The following ZNF354B variants were observed in gnomAD, a reference collection of about 807,000 sequenced individuals.
ZNF354B encodes the protein zinc finger protein 354B.
Under a neutral mutation model 12.9 loss-of-function variants are expected in ZNF354B, and 10 were observed. The observed-to-expected ratio is 0.77, with a 90% CI of 0.48 to 1.31. The LOEUF (loss-of-function observed/expected upper bound fraction) is 1.31. Among genes scored for constraint, ZNF354B ranks in the 40% most tolerant of loss-of-function variants. ZNF354B has a pLI of 0.00. For missense variants in ZNF354B, 614 were observed against 711.7 expected, an observed-to-expected ratio of 0.86 and a Z score of 1.56; for synonymous variants, 260 against 243.7, an observed-to-expected ratio of 1.07 and a Z score of -0.62.
intron 4 of ZNF354B, among the ~76,000 whole-genome samples, chr5:178,870,565 C>T (rs756611929): frequency 6.6e-6 from 1 of 152,336 alleles, no homozygotes; most frequent in African/African-American, 2.4e-5. Flanking sequence ...CAGGCGTGAG[C>T]CACCACACCC....
chr5:178,866,699 CTT>C (rs1757463485), intron 3 of ZNF354B, among the ~76,000 whole-genome samples: 1 of 110,974 alleles, frequency 9.0e-6, no homozygotes, highest in African/African-American at 4.3e-5. Flanking sequence ...TTACCTCATC[CTT>C]CTTCATCGAC....
At chr5:178,869,657 A>G (rs1757530665) in intron 4 of ZNF354B, among the ~76,000 whole-genome samples, 1 of 152,152 alleles carries the variant, frequency 6.6e-6, no homozygotes, top group Non-Finnish European at 1.5e-5. Flanking sequence ...GTCCAGAGGG[A>G]TGCCGGGCAC....
rs763734854 is a variant in ZNF354B, at chr5:178,884,313, C to A, written c.*22C>A. 1.3e-6 allele frequency: 2 copies of A among 1,544,372 alleles called. No individual in the cohort carries two copies. Among genetic ancestry groups the A allele is most frequent in the Admixed American group, 4.2e-5 (2 of 47,666 alleles). On this transcript the variant is annotated 3_prime_UTR_variant, in exon 5 of 5. Coordinates refer to ENST00000322434, the MANE Select transcript of ZNF354B (RefSeq NM_058230.3). The stretch of plus-strand genomic sequence containing the variant: ...GTGAAAGCCTTAAACCAAAACTCAT[C>A]AGAGAATACATGCTTGAGAGTGATT...
chr5:178,874,681 T>G (rs151321274), intron 4 of ZNF354B, among the ~76,000 whole-genome samples: 2 of 152,352 alleles, frequency 1.3e-5, no homozygotes, highest in African/African-American at 4.8e-5. Flanking sequence ...GTTTCAACTT[T>G]CTCTTGAATC....
At chr5:178,875,365 G>C (rs1757621722) in intron 4 of ZNF354B, among the ~76,000 whole-genome samples, 1 of 152,164 alleles carries the variant, frequency 6.6e-6, no homozygotes, top group South Asian at 2.1e-4. Flanking sequence ...AGTCGGCCCA[G>C]GGTGGGTGAC....
Position 178,872,538 on chromosome 5 carries a change from G to T in ZNF354B, c.256+5467G>T, listed in dbSNP as rs570165738. Among the ~76,000 whole-genome samples, 24 of 152,310 alleles carry T rather than the reference G, an allele frequency of 1.6e-4. No individual in the cohort carries two copies. The South Asian group carries it at 3.9e-3, about 25-fold the overall frequency. On this transcript the variant is annotated intron_variant, in intron 4 of 4. Coordinates refer to ENST00000322434, the MANE Select transcript of ZNF354B (RefSeq NM_058230.3). ...TTGCTGAGTCATGGGGTAGTTGTAG[G>T]TTTAGTTTTTGAAGACATAGCCAAG...
chr5:178,879,947 A>G (rs1470772863), intron 4 of ZNF354B, among the ~76,000 whole-genome samples: 7 of 151,666 alleles, frequency 4.6e-5, no homozygotes. Context: ...CTAACACGGC[A>G]AAACCCCGTC....
Position 178,884,269 on chromosome 5 carries a change from TA to T in ZNF354B, c.1821del (p.Ala608ProfsTer38). 1 of 1,590,570 alleles carries T rather than the reference TA, an allele frequency of 6.3e-7. No homozygotes were observed. The highest frequency in any genetic ancestry group is 1.7e-4 in the Middle Eastern group (1 of 5,908). On this transcript the variant is annotated frameshift_variant, in exon 5 of 5. Coordinates refer to ENST00000322434, the MANE Select transcript of ZNF354B (RefSeq NM_058230.3). LOFTEE classifies it high-confidence loss of function. ...AAAATTCACATTGAAGAGGACTCCT[TA>T]AAAGCCGATTTGCATGTGTGAAAGC... is the stretch of plus-strand genomic sequence containing the variant. ...HYKIHIEEDS[L>X]KADLHV
At chr5:178,861,758 A>G (rs1280352431) in intron 2 of ZNF354B, among the ~76,000 whole-genome samples, 2 of 152,200 alleles carry the variant, frequency 1.3e-5, no homozygotes, top group Non-Finnish European at 2.9e-5. Context: ...TAGGGCTGTT[A>G]AGCCAGATGG....
intron 4 of ZNF354B, among the ~76,000 whole-genome samples, chr5:178,878,182 G>T (rs1320008865): frequency 1.3e-5 from 2 of 152,088 alleles, no homozygotes; most frequent in Non-Finnish European, 2.9e-5. Flanking sequence ...AGGAGATCGA[G>T]ACCATCCTGG....
intron 3 of ZNF354B, 25 bp from the exon 4 acceptor site, chr5:178,866,951 T>C (rs754835426): frequency 2.0e-6 from 3 of 1,532,946 alleles, no homozygotes; most frequent in South Asian, 1.2e-5. Context: ...CTGAGACTTT[T>C]GTTGTTGTTG....
At chr5:178,869,911 A>G (rs11949941) in intron 4 of ZNF354B, among the ~76,000 whole-genome samples, 22,533 of 152,116 alleles carry the variant, frequency 0.15, 2,031 homozygotes, top group African/African-American at 0.25. Context: ...AGATTGCCCC[A>G]GGACAGCTTC....
At position 178,880,542 on chromosome 5, in the gene ZNF354B, C is replaced by T. The variant is rs1279396918; in HGVS notation, c.257-2167C>T. Among the ~76,000 whole-genome samples the T allele has an allele frequency of 2.5e-4, 37 of 150,482 alleles. 1 individual carries two copies. The highest frequency in any genetic ancestry group is 2.5e-3 in the Admixed American group (37 of 15,086). ...TTAAAGACAGGGTCTCTTTGTCACC[C>T]TGGCTGGAGTGGAATTAGATAATCA... On this transcript the variant is annotated intron_variant, in intron 4 of 4. Transcript: ENST00000322434.
intron 4 of ZNF354B, among the ~76,000 whole-genome samples, chr5:178,875,852 A>G (rs1757627428): frequency 6.6e-6 from 1 of 152,168 alleles, no homozygotes; most frequent in Non-Finnish European, 1.5e-5. Context: ...TGGCAGTGGC[A>G]TAGGGGCTAT....
chr5:178,880,502 C>CTT (rs567348591), intron 4 of ZNF354B, among the ~76,000 whole-genome samples: 30 of 138,518 alleles, frequency 2.2e-4, no homozygotes, highest in Middle Eastern at 3.9e-3. Flanking sequence ...CCGGCCTCCT[C>CTT]TTTTTTTTTT....
chr5:178,864,346 A>G (rs2114007406), intron 2 of ZNF354B, among the ~76,000 whole-genome samples: 1 of 152,342 alleles, frequency 6.6e-6, no homozygotes, highest in African/African-American at 2.4e-5. Context: ...AACATGCTGT[A>G]CAGGTTTGTA....
Position 178,884,098 on chromosome 5 carries a change from C to T in ZNF354B, c.1646C>T (p.Pro549Leu). Residue 549 changes from proline (P) to leucine (L), a missense_variant, in exon 5 of 5, where the codon CCC becomes CTC. Transcript: ENST00000322434. ...QHQRIHTGEK[P>L]FKCNTCGKTF... ...CAGAGGATTCATACAGGAGAAAAAC[C>T]CTTTAAATGTAATACATGTGGAAAA... is the stretch of plus-strand genomic sequence containing the variant. 11 of 1,614,004 alleles carry T rather than the reference C, an allele frequency of 6.8e-6. No homozygotes were observed. Among genetic ancestry groups the T allele is most frequent in the Non-Finnish European group, 9.3e-6 (11 of 1,179,966 alleles).
chr5:178,864,094 G>C (rs572129489), intron 2 of ZNF354B, among the ~76,000 whole-genome samples: 2 of 152,168 alleles, frequency 1.3e-5, no homozygotes, highest in Non-Finnish European at 2.9e-5. Flanking sequence ...TAGCCTAAGT[G>C]TACAGTGTTT....
chr5:178,864,960 T>C (rs1757423926), intron 2 of ZNF354B, among the ~76,000 whole-genome samples: 1 of 152,072 alleles, frequency 6.6e-6, no homozygotes, highest in Non-Finnish European at 1.5e-5. Context: ...CTCGAAACAG[T>C]GATATATAAC....
Sources: allele counts gnomAD v4.1 joint callset (sites outside exome capture counted in the v4.1 genomes callset), GRCh38; gene constraint gnomAD v4.1.1; transcripts MANE v1.5; gene names NCBI Gene and HGNC (gene_info 2026-07-23, HGNC 2026-07-21).